Variants in PARD3 observed in about 807,000 individuals in gnomAD.
The protein encoded by PARD3 is par-3 family cell polarity regulator, also known as partitioning defective 3 homolog.
Under a neutral mutation model 155.4 loss-of-function variants are expected in PARD3, and 75 were observed. That is an observed-to-expected ratio of 0.48 (90% CI 0.40 to 0.58). The LOEUF (loss-of-function observed/expected upper bound fraction) is 0.58. Among genes scored for constraint, PARD3 ranks in the 20% least tolerant of loss-of-function variants. PARD3 has a pLI of 0.00. For synonymous variants in PARD3, 576 were observed against 610.5 expected (o/e 0.94, Z 0.83); for missense variants, 1,642 against 1,721.7 (o/e 0.95, Z 0.82).
intron 16 of PARD3, among the ~76,000 whole-genome samples, chr10:34,339,499 C>T (rs1836566409): frequency 6.6e-6 from 1 of 152,162 alleles, no homozygotes; most frequent in South Asian, 2.1e-4. Context: ...TTGTCACTGC[C>T]AATCTCGCCT....
At chr10:34,236,026 G>A (rs534008459) in intron 22 of PARD3, among the ~76,000 whole-genome samples, 1 of 152,060 alleles carries the variant, frequency 6.6e-6, no homozygotes, top group African/African-American at 2.4e-5. Flanking sequence ...TCTATAGCTG[G>A]TGAATGCCAA....
intron 12 of PARD3, among the ~76,000 whole-genome samples, chr10:34,366,354 C>T (rs1839965811): frequency 6.6e-6 from 1 of 152,158 alleles, no homozygotes; most frequent in Non-Finnish European, 1.5e-5. Context: ...GTAGGGTAGG[C>T]TGGGTTACAG....
At chr10:34,538,951 A>C (rs1211004797) in intron 2 of PARD3, among the ~76,000 whole-genome samples, 1 of 152,102 alleles carries the variant, frequency 6.6e-6, no homozygotes, top group Non-Finnish European at 1.5e-5. Context: ...AAATCAAATG[A>C]CTCTCAAAAT....
intron 23 of PARD3, 56 bp from the exon 24 acceptor site, chr10:34,119,796 C>T (rs750718026): frequency 1.7e-5 from 24 of 1,449,976 alleles, no homozygotes; most frequent in Non-Finnish European, 2.0e-5. Context: ...ACAGATCACA[C>T]AACTGGTTGA....
chr10:34,400,575 A>G (rs1486109581), intron 6 of PARD3, among the ~76,000 whole-genome samples: 1 of 152,202 alleles, frequency 6.6e-6, no homozygotes, highest in African/African-American at 2.4e-5. Flanking sequence ...CTGGAAAACA[A>G]TCAATTATTA....
At chr10:34,731,563 A>T (rs2094817803) in intron 1 of PARD3, among the ~76,000 whole-genome samples, 1 of 152,228 alleles carries the variant, frequency 6.6e-6, no homozygotes, top group African/African-American at 2.4e-5. Context: ...CGTAAAATAA[A>T]AGTACTTATT....
intron 1 of PARD3, among the ~76,000 whole-genome samples, chr10:34,797,375 C>T (rs1186822122): frequency 6.6e-6 from 1 of 152,188 alleles, no homozygotes; most frequent in Non-Finnish European, 1.5e-5. Context: ...CTGGTCTCAA[C>T]TCCTGGCCTC....
intron 20 of PARD3, among the ~76,000 whole-genome samples, chr10:34,296,529 C>A (rs534477704): frequency 2.0e-5 from 3 of 152,152 alleles, no homozygotes; most frequent in Non-Finnish European, 4.4e-5. Context: ...ACCTGACCAA[C>A]TCATTATTTA....
intron 1 of PARD3, among the ~76,000 whole-genome samples, chr10:34,812,605 C>A (rs1407980107): frequency 2.0e-5 from 3 of 152,178 alleles, no homozygotes; most frequent in Non-Finnish European, 4.4e-5. Context: ...AGAAGACACT[C>A]CAGCTCTGGC....
chr10:34,782,198 A>C (rs1840318436), intron 1 of PARD3, among the ~76,000 whole-genome samples: 1 of 152,224 alleles, frequency 6.6e-6, no homozygotes, highest in Non-Finnish European at 1.5e-5. Flanking sequence ...TGGAGGCCTG[A>C]TTTAAGGACA....
chr10:34,796,503 C>G (rs926357379), intron 1 of PARD3, among the ~76,000 whole-genome samples: 2 of 152,202 alleles, frequency 1.3e-5, no homozygotes, highest in Non-Finnish European at 2.9e-5. Flanking sequence ...TTTGAAACTG[C>G]TGAATATTAT....
At chr10:34,731,313 C>G (rs1037145056) in intron 1 of PARD3, among the ~76,000 whole-genome samples, 1 of 152,210 alleles carries the variant, frequency 6.6e-6, no homozygotes, top group African/African-American at 2.4e-5. Context: ...AGACTTCAAT[C>G]AACTCATTTG....
intron 1 of PARD3, among the ~76,000 whole-genome samples, chr10:34,706,868 G>C (rs2061494822): frequency 6.6e-6 from 1 of 152,282 alleles, no homozygotes. Context: ...AGCACTTTGG[G>C]AGGGTGGGGC....
chr10:34,535,548 G>A (rs569837888), intron 2 of PARD3, among the ~76,000 whole-genome samples: 40 of 152,170 alleles, frequency 2.6e-4, no homozygotes, highest in African/African-American at 9.4e-4. Flanking sequence ...GTGCAGTGGC[G>A]CAATCTTAGC....
rs559950931 is a variant in PARD3 at position 34,563,013 on chromosome 10, C to T, written c.223-45854G>A. 2.6e-5 allele frequency among the ~76,000 whole-genome samples: 4 copies of T among 152,242 alleles called. No individual in the cohort carries two copies. The South Asian group carries it at 8.3e-4, about 32-fold the overall frequency. On this transcript the variant is annotated intron_variant, in intron 2 of 24. Coordinates refer to ENST00000374788, the MANE Select transcript of PARD3 (RefSeq NM_001184785.2). ...CTCAAACTCCCGCCTTTAAGCAATT[C>T]TTCAACCTTGATCTCCCAAAGTGCT... is the stretch of plus-strand genomic sequence containing the variant.
At chr10:34,645,099 C>A (rs1054110287) in intron 2 of PARD3, among the ~76,000 whole-genome samples, 1 of 152,100 alleles carries the variant, frequency 6.6e-6, no homozygotes, top group Non-Finnish European at 1.5e-5. Flanking sequence ...ATGATCCTCT[C>A]GCCTTGGCCT....
At chr10:34,273,933 C>T (rs1259409939) in intron 21 of PARD3, among the ~76,000 whole-genome samples, 1 of 152,060 alleles carries the variant, frequency 6.6e-6, no homozygotes, top group African/African-American at 2.4e-5. Flanking sequence ...CTCAACAGGA[C>T]CCAATGACAT....
chr10:34,589,222 G>C (rs1026751319), intron 2 of PARD3, among the ~76,000 whole-genome samples: 7 of 152,220 alleles, frequency 4.6e-5, no homozygotes, highest in East Asian at 1.9e-4. Context: ...AACAGAGCCA[G>C]AGTGTACCCT....
intron 2 of PARD3, among the ~76,000 whole-genome samples, chr10:34,670,579 G>A (rs1335253521): frequency 6.6e-6 from 1 of 152,226 alleles, no homozygotes; most frequent in Non-Finnish European, 1.5e-5. Flanking sequence ...TACCACTGGA[G>A]ATTCTGATTC....
Sources: allele counts gnomAD v4.1 joint callset (sites outside exome capture counted in the v4.1 genomes callset), GRCh38; gene constraint gnomAD v4.1.1; transcripts MANE v1.5; gene names NCBI Gene and HGNC (gene_info 2026-07-23, HGNC 2026-07-21).